The following TSNARE1 variants were observed in gnomAD, a reference collection of about 807,000 sequenced individuals.
TSNARE1 encodes the protein t-SNARE domain containing 1, also known as t-SNARE domain-containing protein 1.
Under a neutral mutation model 62.0 loss-of-function variants are expected in TSNARE1, and 49 were observed. The observed-to-expected ratio is 0.79, with a 90% confidence interval of 0.63 to 1.00. The LOEUF (loss-of-function observed/expected upper bound fraction) is 1.00. TSNARE1 is among the 50% of genes least tolerant of loss of function. The probability of loss-of-function intolerance (pLI) is 0.00; values close to 1 mark genes in which losing one functional copy is unlikely to be tolerated. For missense variants in TSNARE1, 755 were observed against 700.1 expected (o/e 1.08, Z -0.88); for synonymous variants, 328 against 294.4 (o/e 1.11, Z -1.17).
At chr8:142,341,257 C>A (rs545995123) in intron 4 of TSNARE1, among the ~76,000 whole-genome samples, 1 of 152,304 alleles carries the variant, frequency 6.6e-6, no homozygotes, top group South Asian at 2.1e-4. Context: ...CCCTTCCCAG[C>A]CTCCCTGCAC....
chr8:142,345,981 AGGAC>A, intron 2 of TSNARE1, 89 bp from the exon 3 acceptor site: 1 of 1,473,480 alleles, frequency 6.8e-7, no homozygotes, highest in Non-Finnish European at 9.2e-7. Context: ...GCAGACACCC[AGGAC>A]CCGAGATGCT....
intron 12 of TSNARE1, among the ~76,000 whole-genome samples, chr8:142,252,717 T>TC (rs759194333): frequency 2.9e-4 from 44 of 152,234 alleles, no homozygotes; most frequent in Non-Finnish European, 5.3e-4. Context: ...GTTGTTTACT[T>TC]CCAGCCACCC....
chr8:142,230,177 G>T (rs1178166833), intron 12 of TSNARE1, among the ~76,000 whole-genome samples: 1 of 152,230 alleles, frequency 6.6e-6, no homozygotes, highest in Admixed American at 6.5e-5. Flanking sequence ...AAGGCTTCAT[G>T]TAGAAGGCTA....
chr8:142,348,588 C>G, intron 2 of TSNARE1, among the ~76,000 whole-genome samples: 1 of 131,182 alleles, frequency 7.6e-6, no homozygotes, highest in African/African-American at 2.9e-5. Context: ...TCCCCTGGCC[C>G]CCGCTCCCGC....
chr8:142,359,914 A>G (rs1359956183), intron 1 of TSNARE1, among the ~76,000 whole-genome samples: 2 of 152,234 alleles, frequency 1.3e-5, no homozygotes, highest in Non-Finnish European at 1.5e-5. Flanking sequence ...CTGCCCTGCC[A>G]GGAGGAGGGG....
intron 11 of TSNARE1, chr8:142,280,380 G>A (rs1821218238): frequency 3.1e-6 from 3 of 965,770 alleles, no homozygotes; most frequent in South Asian, 9.6e-5. Context: ...GAGCAGCCAG[G>A]TTCGGGGTCA....
upstream of TSNARE1, chr8:142,405,064 C>T (rs927230469): frequency 1.3e-5 from 2 of 152,230 alleles, no homozygotes; most frequent in South Asian, 2.1e-4. Context: ...TTGGCTCCTC[C>T]GAAATCTGGG....
At position 142,330,913 on chromosome 8, in the gene TSNARE1, A is replaced by T. The variant is rs1830936387; in HGVS notation, c.881T>A (p.Leu294His). Residue 294 changes from leucine (L) to histidine (H), a missense_variant, in exon 6 of 14, where the codon CTT becomes CAT. By Grantham distance (99) the Leu-to-His change is moderately conservative. Transcript: ENST00000524325. ...SLGTPSDTQE[L>H]RDSLHTAQQE... Reference sequence around the variant, plus strand: ...CCCACACACTCACAGGCTGTCCCGAAGCTCCTGCGTGTCACTCGGTGTCCC... The same window carrying T: ...CCCACACACTCACAGGCTGTCCCGATGCTCCTGCGTGTCACTCGGTGTCCC... The T allele has an allele frequency of 6.2e-7, 1 of 1,613,998 alleles. No homozygotes were observed. Among genetic ancestry groups the T allele is most frequent in the Non-Finnish European group, 8.5e-7 (1 of 1,180,000 alleles).
intron 13 of TSNARE1, among the ~76,000 whole-genome samples, chr8:142,219,362 G>C (rs1269080381): frequency 3.3e-5 from 5 of 152,172 alleles, no homozygotes; most frequent in Admixed American, 3.3e-4. Flanking sequence ...TGGGGGCCTT[G>C]TTTTCACTAC....
At chr8:142,298,538 T>A (rs765198660) in intron 10 of TSNARE1, among the ~76,000 whole-genome samples, 18 of 151,812 alleles carry the variant, frequency 1.2e-4, no homozygotes, top group Non-Finnish European at 1.6e-4. Flanking sequence ...TGCTGCTGAG[T>A]GAGCGCCAGG....
At chr8:142,317,667 T>C (rs1005770174) in intron 7 of TSNARE1, among the ~76,000 whole-genome samples, 1 of 151,906 alleles carries the variant, frequency 6.6e-6, no homozygotes, top group African/African-American at 2.4e-5. Flanking sequence ...CAGTCAGAAG[T>C]GGGGACAGGG....
rs955591946 is a variant in TSNARE1, at chr8:142,309,161, A to AAG, written c.1131+5222_1131+5223insCT. Among the ~76,000 whole-genome samples, 62 of 152,322 alleles carry AAG rather than the reference A, an allele frequency of 4.1e-4. 1 individual carries two copies. In the South Asian group the frequency reaches 6.4e-3, roughly 16 times the overall value. On this transcript the variant is annotated intron_variant, in intron 9 of 13. Transcript: ENST00000524325. ...CCTGTCCTGCCGCATTCACTGATGA[A>AAG]TTCTGACAGCACGCTACAGGTGCGT... is the stretch of plus-strand genomic sequence containing the variant.
intron 5 of TSNARE1, among the ~76,000 whole-genome samples, chr8:142,331,282 C>A (rs1173661617): frequency 4.6e-5 from 7 of 152,234 alleles, no homozygotes; most frequent in Non-Finnish European, 1.0e-4. Flanking sequence ...CCACCCTGCT[C>A]CCCTCACCCC....
At chr8:142,322,336 A>C (rs912900977) in intron 6 of TSNARE1, among the ~76,000 whole-genome samples, 4 of 152,226 alleles carry the variant, frequency 2.6e-5, no homozygotes, top group African/African-American at 9.6e-5. Flanking sequence ...AGAGCAGAAG[A>C]TGGAATGCTT....
intron 11 of TSNARE1, among the ~76,000 whole-genome samples, chr8:142,278,979 A>C (rs1820953276): frequency 6.6e-6 from 1 of 152,212 alleles, no homozygotes; most frequent in African/African-American, 2.4e-5. Flanking sequence ...AGCTATGTCA[A>C]GGGCCAGCTG....
At chr8:142,336,463 A>G (rs1010360144) in intron 4 of TSNARE1, among the ~76,000 whole-genome samples, 2 of 152,144 alleles carry the variant, frequency 1.3e-5, no homozygotes, top group Admixed American at 1.3e-4. Flanking sequence ...CAGAACCACA[A>G]ATATAATAGA....
intron 11 of TSNARE1, chr8:142,276,511 GGTGAAT>G (rs1820525883): frequency 1.0e-6 from 1 of 985,356 alleles, no homozygotes; most frequent in South Asian, 4.7e-5. Flanking sequence ...GTTGCTGAGA[GGTGAAT>G]GTGGACAGTG....
chr8:142,400,521 A>AAGAAAT (rs1838208839), intron 1 of TSNARE1, among the ~76,000 whole-genome samples: 1 of 151,744 alleles, frequency 6.6e-6, no homozygotes, highest in African/African-American at 2.4e-5. Context: ...TGGGTGGATC[A>AAGAAAT]CAAGGTCAAG....
At chr8:142,374,137 C>G (rs569111336) in intron 1 of TSNARE1, among the ~76,000 whole-genome samples, 97 of 152,170 alleles carry the variant, frequency 6.4e-4, no homozygotes, top group Admixed American at 1.4e-3. Context: ...AACCCCGTCT[C>G]TACTAAAAAT....
Sources: allele counts gnomAD v4.1 joint callset (sites outside exome capture counted in the v4.1 genomes callset), GRCh38; gene constraint gnomAD v4.1.1; transcripts MANE v1.5; gene names NCBI Gene and HGNC (gene_info 2026-07-23, HGNC 2026-07-21).